The following METTL15 variants were observed in gnomAD, a reference collection of about 807,000 sequenced individuals.
METTL15 encodes methyltransferase 15, mitochondrial 12S rRNA N4-cytidine.
Under a neutral mutation model 38.3 loss-of-function variants are expected in METTL15, and 34 were observed. The observed-to-expected ratio is 0.89, with a 90% CI of 0.68 to 1.18. The LOEUF (loss-of-function observed/expected upper bound fraction) is 1.18. METTL15 is among the 50% of genes most tolerant of loss of function. The probability of loss-of-function intolerance (pLI) is 0.00; values close to 1 mark genes in which losing one functional copy is unlikely to be tolerated. For synonymous variants in METTL15, 162 were observed against 170.9 expected (o/e 0.95, Z 0.41); for missense variants, 438 against 498.4 (o/e 0.88, Z 1.15).
At position 28,202,077 on chromosome 11, in the gene METTL15, T is replaced by C. The variant is rs919736863; in HGVS notation, c.271-8985T>C. 2.6e-5 allele frequency among the ~76,000 whole-genome samples: 4 copies of C among 152,116 alleles called. No individual in the cohort carries two copies. The East Asian group carries it at 5.8e-4, about 22-fold the overall frequency. ...AGGGGGTTTAAATGCAGATGTGACA[T>C]GCTAAAGTTTTATGTAAGATAGTAT... On this transcript the variant is annotated intron_variant, in intron 3 of 6. Coordinates refer to ENST00000407364, the MANE Select transcript of METTL15 (RefSeq NM_001113528.2).
At chr11:28,298,496 A>G (rs751674574) in intron 6 of METTL15, among the ~76,000 whole-genome samples, 20 of 152,192 alleles carry the variant, frequency 1.3e-4, no homozygotes, top group Non-Finnish European at 1.9e-4. Context: ...AAGCTCATGA[A>G]TTTAAGGCAT....
At chr11:28,122,839 T>G (rs1852310856) in intron 3 of METTL15, among the ~76,000 whole-genome samples, 1 of 152,032 alleles carries the variant, frequency 6.6e-6, no homozygotes, top group Non-Finnish European at 1.5e-5. Flanking sequence ...ATCCAGTGGC[T>G]TTAAATTATC....
chr11:28,526,167 C>T (rs1000700917), intron 6 of METTL15, among the ~76,000 whole-genome samples: 4 of 152,208 alleles, frequency 2.6e-5, no homozygotes, highest in South Asian at 2.1e-4. Context: ...GCGCCTCTCC[C>T]GCCACACCTC....
chr11:28,483,007 G>GC (rs1468956821), intron 6 of METTL15, among the ~76,000 whole-genome samples: 5 of 150,948 alleles, frequency 3.3e-5, no homozygotes. Flanking sequence ...CCTTTTTCCT[G>GC]CCCCCACATA....
chr11:28,215,105 G>GA (rs1370432720), intron 4 of METTL15, among the ~76,000 whole-genome samples: 2 of 152,182 alleles, frequency 1.3e-5, no homozygotes, highest in African/African-American at 4.8e-5. Flanking sequence ...ACTATGATTG[G>GA]ACAAAAAGGA....
intron 6 of METTL15, among the ~76,000 whole-genome samples, chr11:28,297,202 A>G (rs1033635271): frequency 3.3e-5 from 5 of 152,078 alleles, no homozygotes; most frequent in African/African-American, 4.8e-5. Context: ...AATTTGTATA[A>G]TAGTAGATTT....
intron 4 of METTL15, among the ~76,000 whole-genome samples, chr11:28,250,012 A>G (rs1854669618): frequency 6.6e-6 from 1 of 152,032 alleles, no homozygotes; most frequent in South Asian, 2.1e-4. Context: ...GCTTAGGATA[A>G]TGACCTCCAG....
intron 6 of METTL15, among the ~76,000 whole-genome samples, chr11:28,304,984 A>G (rs1857033115): frequency 6.6e-6 from 1 of 152,194 alleles, no homozygotes; most frequent in Admixed American, 6.5e-5. Context: ...TGGCTCCCCA[A>G]TATATCATAG....
chr11:28,111,970 C>T (rs762321954), intron 2 of METTL15, among the ~76,000 whole-genome samples: 1 of 152,080 alleles, frequency 6.6e-6, no homozygotes, highest in Non-Finnish European at 1.5e-5. Flanking sequence ...CCCCCCCCAC[C>T]GACATTTTTT....
At chr11:28,164,490 C>T (rs1850586191) in intron 3 of METTL15, among the ~76,000 whole-genome samples, 1 of 151,922 alleles carries the variant, frequency 6.6e-6, no homozygotes, top group South Asian at 2.1e-4. Flanking sequence ...ACATGATTTT[C>T]TTTCACTTTG....
At position 28,296,849 on chromosome 11, in the gene METTL15, C is replaced by T; in HGVS notation, c.696C>T (p.Ala232=). ...GAACATACGGGGAGGAGAAGCATGC[C>T]AAGAAAATCGCTTCAGCAATTGTTC... ...ILRTYGEEKH[A]KKIASAIVQA... The change falls in exon 6 of 7, where the codon GCC becomes GCT. Residue 232 remains alanine, a synonymous_variant. Transcript: ENST00000407364. The T allele has an allele frequency of 6.2e-7, 1 of 1,613,558 alleles. No individual in the cohort carries two copies. The highest frequency in any genetic ancestry group is 8.5e-7 in the Non-Finnish European group (1 of 1,179,710).
intron 3 of METTL15, among the ~76,000 whole-genome samples, chr11:28,199,115 C>A (rs998425019): frequency 3.3e-5 from 5 of 151,932 alleles, no homozygotes; most frequent in African/African-American, 9.7e-5. Flanking sequence ...TGTTTGGAGG[C>A]GCAATATTCC....
intron 4 of METTL15, among the ~76,000 whole-genome samples, chr11:28,214,789 G>T (rs1283862217): frequency 6.6e-6 from 1 of 152,104 alleles, no homozygotes; most frequent in Non-Finnish European, 1.5e-5. Flanking sequence ...ATGATCTACT[G>T]AATAGTTAAA....
At chr11:28,301,917 CT>C (rs557245118) in intron 6 of METTL15, among the ~76,000 whole-genome samples, 26 of 151,886 alleles carry the variant, frequency 1.7e-4, no homozygotes, top group African/African-American at 5.8e-4. Context: ...TATTAAAAAG[CT>C]TTTTTTAAGT....
intron 4 of METTL15, among the ~76,000 whole-genome samples, chr11:28,268,870 TG>T (rs1855535494): frequency 6.6e-6 from 1 of 152,200 alleles, no homozygotes. Flanking sequence ...ATTTCACATT[TG>T]TACTAACAGT....
At chr11:28,110,738 G>A (rs531389006) in intron 2 of METTL15, among the ~76,000 whole-genome samples, 1 of 152,286 alleles carries the variant, frequency 6.6e-6, no homozygotes, top group Non-Finnish European at 1.5e-5. Context: ...TGACTGCAAT[G>A]ATTATAATTG....
intron 3 of METTL15, among the ~76,000 whole-genome samples, chr11:28,207,656 A>T (rs71518618): frequency 6.6e-6 from 1 of 152,050 alleles, no homozygotes; most frequent in Non-Finnish European, 1.5e-5. Flanking sequence ...CTCTTTTTCT[A>T]TAGATTGAAA....
At chr11:28,514,017 T>C (rs1271445961) in intron 6 of METTL15, among the ~76,000 whole-genome samples, 2 of 152,256 alleles carry the variant, frequency 1.3e-5, no homozygotes, top group African/African-American at 4.8e-5. Context: ...ATGGGGATCT[T>C]GGAGAAACTC....
chr11:28,191,508 A>G (rs1371391459), intron 3 of METTL15, among the ~76,000 whole-genome samples: 1 of 151,466 alleles, frequency 6.6e-6, no homozygotes, highest in Non-Finnish European at 1.5e-5. Context: ...TTTCAGTACA[A>G]CATGTAGTCA....
Sources: gnomAD v4.1 joint callset for allele counts (sites outside exome capture counted in the v4.1 genomes callset) on GRCh38, gnomAD v4.1.1 for gene constraint, MANE v1.5 for transcripts, NCBI Gene and HGNC (gene_info 2026-07-23, HGNC 2026-07-21) for gene names.